TENM3: variants seen among roughly 807,000 people sequenced by gnomAD.
TENM3 encodes teneurin-3.
Under a neutral mutation model 255.1 loss-of-function variants are expected in TENM3, and 63 were observed. The observed-to-expected ratio is 0.25, with a 90% CI of 0.20 to 0.30. The LOEUF is 0.30. Among genes scored for constraint, TENM3 ranks in the 10% least tolerant of loss-of-function variants. TENM3 has a pLI of 1.00. For synonymous variants in TENM3, 1,306 were observed against 1,322.3 expected (o/e 0.99, Z 0.27); for missense variants, 2,929 against 3,461.1 (o/e 0.85, Z 3.86).
the TENM3 span, among the ~76,000 whole-genome samples, chr4:182,012,247 C>T: frequency 6.6e-6 from 1 of 152,164 alleles, no homozygotes; most frequent in African/African-American, 2.4e-5. Flanking sequence ...GAACAATCGC[C>T]CTGGCCTTTC....
the TENM3 span, among the ~76,000 whole-genome samples, chr4:182,086,032 TA>T: frequency 6.6e-6 from 1 of 152,200 alleles, no homozygotes; most frequent in African/African-American, 2.4e-5. Context: ...AAGAAGTCCG[TA>T]AATAGTTGCT....
chr4:182,087,522 C>T, the TENM3 span, among the ~76,000 whole-genome samples: 1 of 152,138 alleles, frequency 6.6e-6, no homozygotes, highest in Admixed American at 6.5e-5. Context: ...AGCTTTTAGG[C>T]TGTGTTTTGC....
At chr4:182,397,398 TAAAAAAAAAAAAAAAA>T (rs144177808) in intron 3 of TENM3, among the ~76,000 whole-genome samples, 3 of 48,978 alleles carry the variant, frequency 6.1e-5, no homozygotes, top group South Asian at 1.3e-3. Context: ...AGACTCCATC[TAAAAAAAAAAAAAAAA>T]AAAAAAAAAA....
chr4:182,259,719 C>G (rs1031252812), intron 1 of TENM3, among the ~76,000 whole-genome samples: 1 of 152,104 alleles, frequency 6.6e-6, no homozygotes, highest in Non-Finnish European at 1.5e-5. Flanking sequence ...ATTAGTATAA[C>G]TGGGATATCC....
chr4:181,998,000 T>C, the TENM3 span, among the ~76,000 whole-genome samples: 1 of 152,186 alleles, frequency 6.6e-6, no homozygotes, highest in African/African-American at 2.4e-5. Flanking sequence ...ATTCTTATAG[T>C]TAAAGGAATT....
the TENM3 span, among the ~76,000 whole-genome samples, chr4:181,450,845 G>A: frequency 6.6e-6 from 1 of 152,154 alleles, no homozygotes; most frequent in Non-Finnish European, 1.5e-5. Flanking sequence ...ATTTTCACTT[G>A]TAAGCTATAA....
chr4:181,616,429 C>CAT, the TENM3 span, among the ~76,000 whole-genome samples: 2 of 147,318 alleles, frequency 1.4e-5, no homozygotes, highest in Admixed American at 6.8e-5. Flanking sequence ...AGGGTATACT[C>CAT]ATATATATAT....
chr4:181,839,824 T>C, the TENM3 span, among the ~76,000 whole-genome samples: 45 of 152,070 alleles, frequency 3.0e-4, no homozygotes, highest in African/African-American at 1.0e-3. Flanking sequence ...CTTCTCTTTG[T>C]CTTTAGTATC....
the TENM3 span, among the ~76,000 whole-genome samples, chr4:181,548,862 G>A: frequency 2.6e-5 from 4 of 152,014 alleles, no homozygotes; most frequent in Admixed American, 2.6e-4. Flanking sequence ...TGACTGAAAG[G>A]GTTTACAGGA....
intron 3 of TENM3, among the ~76,000 whole-genome samples, chr4:182,447,893 G>A (rs1169082909): frequency 6.6e-6 from 1 of 152,166 alleles, no homozygotes; most frequent in Non-Finnish European, 1.5e-5. Context: ...AAAATTAAAG[G>A]AAGGACGTTG....
intron 1 of TENM3, among the ~76,000 whole-genome samples, chr4:182,277,546 T>C (rs1334670254): frequency 6.6e-6 from 1 of 152,176 alleles, no homozygotes; most frequent in Non-Finnish European, 1.5e-5. Flanking sequence ...TGGTTGCTAT[T>C]ATTGTTTATT....
chr4:182,267,821 C>G (rs1045515057), intron 1 of TENM3, among the ~76,000 whole-genome samples: 5 of 151,930 alleles, frequency 3.3e-5, no homozygotes, highest in Non-Finnish European at 7.4e-5. Flanking sequence ...CATGATTTGT[C>G]TTTAATAAAA....
the TENM3 span, among the ~76,000 whole-genome samples, chr4:182,064,567 C>T: frequency 6.6e-6 from 1 of 150,626 alleles, no homozygotes; most frequent in Non-Finnish European, 1.5e-5. Flanking sequence ...GGCAACAGAG[C>T]GAGACTTTGT....
At position 182,754,695 on chromosome 4, in the gene TENM3, G is replaced by T; in HGVS notation, c.4328G>T (p.Gly1443Val). The T allele has an allele frequency of 6.2e-7, 1 of 1,614,036 alleles. No homozygotes were observed. Among genetic ancestry groups the T allele is most frequent in the Non-Finnish European group, 8.5e-7 (1 of 1,179,910 alleles). Residue 1443 changes from glycine (G) to valine (V), a missense_variant, in exon 22 of 28, where the codon GGA becomes GTA. Around this residue, in one of 6 missense-constraint regions of TENM3, gnomAD observed 1,608 missense variants for 1,884.4 expected, o/e 0.85. Coordinates refer to ENST00000511685, the MANE Select transcript of TENM3 (RefSeq NM_001080477.4). The surrounding 1 kb of genome is among the most constrained non-coding windows in gnomAD (Gnocchi z 5.1). The part of the protein sequence containing the change: ...TTDGEISLVA[G>V]IPSECDCKND... ...GATGGAGAAATCTCCTTAGTGGCCG[G>T]AATACCTTCAGAGTGTGACTGCAAA...
At chr4:182,796,466 C>A (rs148015849) in intron 26 of TENM3, among the ~76,000 whole-genome samples, 171 bp from the exon 27 acceptor site, 2 of 152,176 alleles carry the variant, frequency 1.3e-5, no homozygotes, top group Non-Finnish European at 2.9e-5. Flanking sequence ...TGAAGGTTAC[C>A]GTCTTCATGT....
intron 3 of TENM3, among the ~76,000 whole-genome samples, chr4:182,467,333 C>T (rs1195904951): frequency 6.6e-6 from 1 of 152,118 alleles, no homozygotes; most frequent in East Asian, 1.9e-4. Context: ...GTCAACAAAG[C>T]TGATTTGTAA....
the TENM3 span, among the ~76,000 whole-genome samples, chr4:181,456,171 G>C: frequency 9.6e-6 from 1 of 103,708 alleles, no homozygotes; most frequent in Non-Finnish European, 2.0e-5. Context: ...ACATGTGTGT[G>C]TATATATGTA....
At chr4:182,013,707 T>C in the TENM3 span, among the ~76,000 whole-genome samples, 1 of 152,130 alleles carries the variant, frequency 6.6e-6, no homozygotes, top group Non-Finnish European at 1.5e-5. Context: ...ATGTGATTCA[T>C]GGAACACTCT....
intron 3 of TENM3, among the ~76,000 whole-genome samples, chr4:182,501,449 A>G (rs1240644881): frequency 1.3e-5 from 2 of 151,998 alleles, no homozygotes; most frequent in African/African-American, 2.4e-5. Flanking sequence ...TCCAGAATTT[A>G]TAAATATCCT....
Sources: gnomAD v4.1 joint callset for allele counts (sites outside exome capture counted in the v4.1 genomes callset) on GRCh38, gnomAD v4.1.1 for gene constraint, gnomAD v4.1.1 regional missense constraint, Gnocchi (gnomAD v3.1) non-coding constraint, MANE v1.5 for transcripts, NCBI Gene and HGNC (gene_info 2026-07-23, HGNC 2026-07-21) for gene names.